SH3GL2: variants seen among roughly 807,000 people sequenced by gnomAD.
The protein encoded by SH3GL2 is endophilin-A1.
Under a neutral mutation model 46.0 loss-of-function variants are expected in SH3GL2, and 24 were observed. That is an observed-to-expected ratio of 0.52 (90% CI 0.38 to 0.73). The LOEUF (loss-of-function observed/expected upper bound fraction) is 0.73. Among genes scored for constraint, SH3GL2 ranks in the 30% least tolerant of loss-of-function variants. The pLI is 0.00. For missense variants in SH3GL2, 413 were observed against 424.2 expected (o/e 0.97, Z 0.23); for synonymous variants, 196 against 147.1 (o/e 1.33, Z -2.40).
chr9:17,654,108 G>A (rs1460385185), intron 1 of SH3GL2, among the ~76,000 whole-genome samples: 1 of 152,110 alleles, frequency 6.6e-6, no homozygotes, highest in East Asian at 1.9e-4. Flanking sequence ...GCTGCAGACT[G>A]GGGGAGGGCA....
At chr9:17,689,162 A>G (rs537993749) in intron 1 of SH3GL2, among the ~76,000 whole-genome samples, 1 of 152,252 alleles carries the variant, frequency 6.6e-6, no homozygotes, top group African/African-American at 2.4e-5. Flanking sequence ...CTCTAGTCTC[A>G]TCATGAGAAA....
At chr9:17,743,904 A>G (rs1822605523) in intron 1 of SH3GL2, among the ~76,000 whole-genome samples, 1 of 152,236 alleles carries the variant, frequency 6.6e-6, no homozygotes, top group Admixed American at 6.5e-5. Context: ...TAATGAAAGC[A>G]TCTCTCAGCT....
At chr9:17,701,774 A>G (rs569306522) in intron 1 of SH3GL2, among the ~76,000 whole-genome samples, 24 of 152,280 alleles carry the variant, frequency 1.6e-4, no homozygotes, top group African/African-American at 5.5e-4. Context: ...AAAAATAAAT[A>G]TAACACATGT....
At chr9:17,746,513 C>CT (rs1822692119) in intron 1 of SH3GL2, among the ~76,000 whole-genome samples, 1 of 152,168 alleles carries the variant, frequency 6.6e-6, no homozygotes, top group African/African-American at 2.4e-5. Context: ...TATGTTTTGG[C>CT]TTATGTACTT....
At chr9:17,766,028 G>A (rs1823307650) in intron 3 of SH3GL2, among the ~76,000 whole-genome samples, 1 of 152,196 alleles carries the variant, frequency 6.6e-6, no homozygotes, top group Admixed American at 6.5e-5. Context: ...TTTGTCACAT[G>A]CATTTACTTT....
chr9:17,693,243 C>T (rs1011573382), intron 1 of SH3GL2, among the ~76,000 whole-genome samples: 2 of 152,118 alleles, frequency 1.3e-5, no homozygotes, highest in African/African-American at 4.8e-5. Context: ...ACACATGGAT[C>T]AGGGTCCTCC....
intron 1 of SH3GL2, among the ~76,000 whole-genome samples, chr9:17,679,529 C>T (rs1820709844): frequency 6.6e-6 from 1 of 152,182 alleles, no homozygotes; most frequent in African/African-American, 2.4e-5. Flanking sequence ...AGATTTTGGG[C>T]TGAGGCGATG....
chr9:17,733,825 A>G (rs1563831806), intron 1 of SH3GL2, among the ~76,000 whole-genome samples: 4 of 152,032 alleles, frequency 2.6e-5, no homozygotes, highest in South Asian at 4.2e-4. Context: ...TTGTAGGGAC[A>G]TGGATGAAAT....
chr9:17,737,244 C>G (rs1314518970), intron 1 of SH3GL2, among the ~76,000 whole-genome samples: 2 of 151,900 alleles, frequency 1.3e-5, no homozygotes, highest in East Asian at 3.9e-4. Flanking sequence ...GGAGAAATAC[C>G]TAATGTAGAT....
chr9:17,699,333 G>A (rs1483252433), intron 1 of SH3GL2, among the ~76,000 whole-genome samples: 1 of 152,056 alleles, frequency 6.6e-6, no homozygotes, highest in Non-Finnish European at 1.5e-5. Flanking sequence ...TCAAGGTGAA[G>A]GAAACAAGCA....
chr9:17,794,004 T>C (rs9407883), intron 8 of SH3GL2, among the ~76,000 whole-genome samples: 14,597 of 152,290 alleles, frequency 0.096, 1,363 homozygotes, highest in African/African-American at 0.25. Context: ...AATATATTTG[T>C]AGAAGATGAT....
chr9:17,650,101 A>T (rs1819919623), intron 1 of SH3GL2, among the ~76,000 whole-genome samples: 1 of 152,176 alleles, frequency 6.6e-6, no homozygotes, highest in Non-Finnish European at 1.5e-5. Context: ...TCTGATTAGA[A>T]TTTTCACTTA....
At chr9:17,763,277 T>A (rs7868359) in intron 3 of SH3GL2, among the ~76,000 whole-genome samples, 121,870 of 152,068 alleles carry the variant, frequency 0.8, 49,170 homozygotes, top group East Asian at 0.96. Flanking sequence ...TGGGTTGCAT[T>A]GTGTGTCTCC....
chr9:17,774,398 A>G (rs1563849089), intron 3 of SH3GL2, among the ~76,000 whole-genome samples: 3 of 152,084 alleles, frequency 2.0e-5, no homozygotes, highest in South Asian at 4.1e-4. Flanking sequence ...GTCTTTCACC[A>G]TTTAGTATGA....
chr9:17,736,776 C>T (rs1041406922), intron 1 of SH3GL2, among the ~76,000 whole-genome samples: 2 of 152,034 alleles, frequency 1.3e-5, no homozygotes, highest in Admixed American at 1.3e-4. Flanking sequence ...AAAAACTGTC[C>T]AAGTCTTTGT....
intron 6 of SH3GL2, chr9:17,790,483 G>A (rs1824095521): frequency 3.4e-6 from 3 of 893,668 alleles, no homozygotes; most frequent in Non-Finnish European, 4.0e-6. Flanking sequence ...TTTTGTTTAT[G>A]TAAAACAACT....
intron 1 of SH3GL2, among the ~76,000 whole-genome samples, chr9:17,742,832 GTTGTTT>G (rs1822567563): frequency 6.6e-6 from 1 of 152,164 alleles, no homozygotes; most frequent in South Asian, 2.1e-4. Context: ...GTACAGGAGA[GTTGTTT>G]TTAGGAGTTG....
intron 2 of SH3GL2, among the ~76,000 whole-genome samples, chr9:17,759,809 A>T (rs1037812773): frequency 5.9e-5 from 9 of 152,054 alleles, no homozygotes; most frequent in Non-Finnish European, 1.2e-4. Flanking sequence ...TTTTTGAATG[A>T]TTTTCCTTCT....
chr9:17,679,397 TTGAA>T (rs1820705023), intron 1 of SH3GL2, among the ~76,000 whole-genome samples: 1 of 152,126 alleles, frequency 6.6e-6, no homozygotes, highest in African/African-American at 2.4e-5. Context: ...TGAAGCAACT[TTGAA>T]TGGGAGTTCA....
Sources: gnomAD v4.1 joint callset for allele counts (sites outside exome capture counted in the v4.1 genomes callset) on GRCh38, gnomAD v4.1.1 for gene constraint, MANE v1.5 for transcripts, NCBI Gene and HGNC (gene_info 2026-07-23, HGNC 2026-07-21) for gene names.